Variants in RADIL observed in about 807,000 individuals in gnomAD.
The protein encoded by RADIL is ras-associating and dilute domain-containing protein.
Under a neutral mutation model 97.6 loss-of-function variants are expected in RADIL, and 99 were observed. That is an observed-to-expected ratio of 1.01 (90% CI 0.86 to 1.20). The LOEUF is 1.20. Among genes scored for constraint, RADIL ranks in the 50% most tolerant of loss-of-function variants. RADIL has a pLI of 0.00. For missense variants in RADIL, 1,765 were observed against 1,498.9 expected (o/e 1.18, Z -2.93); for synonymous variants, 803 against 691.8 (o/e 1.16, Z -2.52).
At chr7:4,809,054 T>C (rs1336132776) in intron 9 of RADIL, 39 of 906,468 alleles carry the variant, frequency 4.3e-5, no homozygotes, top group Non-Finnish European at 5.0e-5. Flanking sequence ...TGCCCCCCCG[T>C]TCCAATGCCA....
chr7:4,829,408 G>A (rs117883923), intron 5 of RADIL, among the ~76,000 whole-genome samples: 2,784 of 152,228 alleles, frequency 0.018, 42 homozygotes, highest in Non-Finnish European at 0.022. Context: ...TCCCTGGGCC[G>A]GGCAGTGGGG....
At chr7:4,805,265 G>A in intron 10 of RADIL, 1 of 384,504 alleles carries the variant, frequency 2.6e-6, no homozygotes, top group Middle Eastern at 6.9e-4. Flanking sequence ...CATACAACAG[G>A]GGAGGCCCCA....
At chr7:4,802,687 C>T (rs1437484431) in intron 11 of RADIL, among the ~76,000 whole-genome samples, 2 of 112,804 alleles carry the variant, frequency 1.8e-5, no homozygotes, top group African/African-American at 3.4e-5. Context: ...CCGGGTACCT[C>T]GGGGCACGCT....
chr7:4,876,733 G>A (rs116021043), intron 2 of RADIL, among the ~76,000 whole-genome samples: 1 of 152,230 alleles, frequency 6.6e-6, no homozygotes, highest in Non-Finnish European at 1.5e-5. Context: ...CGCCACCCGT[G>A]CTCTCGGCAC....
At chr7:4,856,372 A>G (rs1783831154) in intron 2 of RADIL, among the ~76,000 whole-genome samples, 1 of 152,214 alleles carries the variant, frequency 6.6e-6, no homozygotes, top group African/African-American at 2.4e-5. Context: ...GACCTCCCAA[A>G]GTGCTGGGAT....
chr7:4,841,066 A>G (rs1005619665), intron 2 of RADIL, among the ~76,000 whole-genome samples: 1 of 152,252 alleles, frequency 6.6e-6, no homozygotes, highest in Non-Finnish European at 1.5e-5. Context: ...CTTTCATAAC[A>G]GTAATTTTAG....
rs1783481051 is a variant in RADIL at position 4,842,915 on chromosome 7, A to G, written c.536-6310T>C. Among the ~76,000 whole-genome samples the G allele has an allele frequency of 6.6e-6, 1 of 151,908 alleles. No homozygotes were observed. ...GTGTGGATTCACAGGCGTGGTCACC[A>G]TAATACCCTGCAGCCTCGAAATTCT... On this transcript the variant is annotated intron_variant, in intron 2 of 14. Transcript: ENST00000399583. The surrounding 1 kb of genome is among the most constrained non-coding windows in gnomAD (Gnocchi z 4.5).
In RADIL at chr7:4,872,619, C is replaced by A. The variant is rs560837680; in HGVS notation, c.535+4986G>T. ...AAGGGGAGTGAGAGCCACTTCCAGC[C>A]CGGCCATACCTCCAGCACCAGCCTC... On this transcript the variant is annotated intron_variant, in intron 2 of 14. Coordinates refer to ENST00000399583, the MANE Select transcript of RADIL (RefSeq NM_018059.5). This position sits in a 1 kb window ranked among gnomAD's most constrained non-coding sequence, Gnocchi z 5.8. Among the ~76,000 whole-genome samples the A allele has an allele frequency of 6.6e-6, 1 of 152,158 alleles. No homozygotes were observed. The highest frequency in any genetic ancestry group is 1.5e-5 in the Non-Finnish European group (1 of 68,022).
Position 4,799,088 on chromosome 7 carries a change from C to T in RADIL, c.*290G>A. 7.5e-6 allele frequency: 3 copies of T among 397,954 alleles called. 1 individual carries two copies. Among genetic ancestry groups the T allele is most frequent in the South Asian group, 7.5e-5 (3 of 40,184 alleles). 24.7% of individuals were successfully genotyped at this position (397,954 alleles called of 1,614,324 possible). On this transcript the variant is annotated 3_prime_UTR_variant, in exon 15 of 15. Transcript: ENST00000399583. Reference sequence around the variant, plus strand: ...CCACGCCTGCTGCCCGAGTTGAGACCCCAGCAGGGCACCCTCTAAGAACGG... The same window carrying T: ...CCACGCCTGCTGCCCGAGTTGAGACTCCAGCAGGGCACCCTCTAAGAACGG...
chr7:4,861,552 G>T lies in RADIL; in HGVS notation c.535+16053C>A, dbSNP rs1783997252. ...CCAACGTTTTCAATTACAGACTGGG[G>T]AAGACTCTTGCTTTCACTGATTTCG... is the stretch of plus-strand genomic sequence containing the variant. On this transcript the variant is annotated intron_variant, in intron 2 of 14. Transcript: ENST00000399583. 4.3e-6 allele frequency: 7 copies of T among 1,613,922 alleles called. No individual in the cohort carries two copies. The South Asian group carries it at 6.6e-5, about 15-fold the overall frequency.
At chr7:4,855,206 A>G (rs75528463) in intron 2 of RADIL, among the ~76,000 whole-genome samples, 10,375 of 152,236 alleles carry the variant, frequency 0.068, 480 homozygotes, top group Non-Finnish European at 0.11. Flanking sequence ...ACTTTCGGCT[A>G]CTACAAAACG....
Position 4,860,350 on chromosome 7 carries a change from C to T in RADIL, c.535+17255G>A. On this transcript the variant is annotated intron_variant, in intron 2 of 14. Transcript: ENST00000399583. Reference sequence around the variant, plus strand: ...GGTGAAGTTCCTTTCTTCTTAAATGCATTGCAGTAATTTTCATACCCATCT... The same window carrying T: ...GGTGAAGTTCCTTTCTTCTTAAATGTATTGCAGTAATTTTCATACCCATCT... 6.2e-7 allele frequency: 1 copy of T among 1,613,964 alleles called. No homozygotes were observed. Among genetic ancestry groups the T allele is most frequent in the Non-Finnish European group, 8.5e-7 (1 of 1,179,878 alleles).
Position 4,841,598 on chromosome 7 carries a change from T to C in RADIL, c.536-4993A>G, listed in dbSNP as rs555442201. Among the ~76,000 whole-genome samples, 255 of 152,104 alleles carry C rather than the reference T, an allele frequency of 1.7e-3. 2 individuals carry two copies. The highest frequency in any genetic ancestry group is 5.7e-3 in the African/African-American group (235 of 41,502). ...ACTGCCCCGTGTTGATCCACTCTAG[T>C]GGAGAGGCAGAAAAGCAACCCAGCC... On this transcript the variant is annotated intron_variant, in intron 2 of 14. Transcript: ENST00000399583.
In RADIL at chr7:4,874,024, G is replaced by A. The variant is rs1179929394; in HGVS notation, c.535+3581C>T. Among the ~76,000 whole-genome samples the A allele has an allele frequency of 4.0e-5, 6 of 151,152 alleles. No individual in the cohort carries two copies. In the South Asian group the frequency reaches 6.2e-4, roughly 16 times the overall value. On this transcript the variant is annotated intron_variant, in intron 2 of 14. Transcript: ENST00000399583. Reference sequence around the variant, plus strand: ...CTAGTGCCGGCTGCAAACTCACTCAGGGGGACGTGGGACACAGCAAAGGCT... The same window carrying A: ...CTAGTGCCGGCTGCAAACTCACTCAAGGGGACGTGGGACACAGCAAAGGCT...
chr7:4,800,022 TC>T, intron 13 of RADIL, 148 bp downstream of exon 13: 1 of 1,268,056 alleles, frequency 7.9e-7, no homozygotes, highest in Non-Finnish European at 1.1e-6. Context: ...CAGGCTGGGT[TC>T]CCCTCCCAGC....
intron 2 of RADIL, chr7:4,858,907 T>A (rs1290459358): frequency 6.6e-6 from 1 of 152,184 alleles, no homozygotes; most frequent in Non-Finnish European, 1.5e-5. Flanking sequence ...GGCAAAAAGC[T>A]TTTTTGTTTT....
intron 2 of RADIL, chr7:4,860,345 A>G (rs1485459389): frequency 6.2e-7 from 1 of 1,614,024 alleles, no homozygotes; most frequent in South Asian, 1.1e-5. Context: ...CTTTCTTCTT[A>G]AATGCATTGC....
At chr7:4,876,311 T>C (rs1784375206) in intron 2 of RADIL, among the ~76,000 whole-genome samples, 1 of 151,598 alleles carries the variant, frequency 6.6e-6, no homozygotes, top group African/African-American at 2.4e-5. Flanking sequence ...TTTATTTATT[T>C]ATATTTGAGA....
At chr7:4,851,606 A>G (rs527395025) in intron 2 of RADIL, among the ~76,000 whole-genome samples, 1 of 152,302 alleles carries the variant, frequency 6.6e-6, no homozygotes, top group South Asian at 2.1e-4. Flanking sequence ...GTCATCCTGC[A>G]ATTGCTGGAA....
Sources: allele counts gnomAD v4.1 joint callset (sites outside exome capture counted in the v4.1 genomes callset), GRCh38; gene constraint gnomAD v4.1.1; non-coding constraint Gnocchi (gnomAD v3.1); transcripts MANE v1.5; gene names NCBI Gene and HGNC (gene_info 2026-07-23, HGNC 2026-07-21).